Variants in INVS observed in about 807,000 individuals in gnomAD.
INVS encodes inversin.
A neutral mutation model predicts 108.8 loss-of-function variants in INVS; 86 were observed. The observed-to-expected ratio is 0.79, with a 90% CI of 0.66 to 0.95. INVS has a LOEUF of 0.95. INVS is among the 40% of genes least tolerant of loss of function. The pLI is 0.00. For missense variants in INVS, 1,169 were observed against 1,297.4 expected (o/e 0.90, Z 1.52); for synonymous variants, 455 against 473.5 (o/e 0.96, Z 0.51).
At chr9:100,100,936 TAA>T (rs1491485694) in intron 1 of INVS, among the ~76,000 whole-genome samples, 17 of 35,240 alleles carry the variant, frequency 4.8e-4, no homozygotes, top group South Asian at 2.5e-3. Context: ...ATAATATATA[TAA>T]TATATATACA....
chr9:100,227,993 T>TTC (rs1324955469), intron 4 of INVS, among the ~76,000 whole-genome samples: 35 of 142,112 alleles, frequency 2.5e-4, no homozygotes, highest in African/African-American at 5.5e-4. Context: ...CTTTCTTTCT[T>TTC]TTTTTTTTTT....
intron 3 of INVS, among the ~76,000 whole-genome samples, chr9:100,182,710 A>G (rs1703286412): frequency 6.6e-6 from 1 of 152,186 alleles, no homozygotes; most frequent in Non-Finnish European, 1.5e-5. Context: ...ACCTTTGTGA[A>G]GACAGTGTGG....
chr9:100,243,883 C>T (rs1028302646), intron 7 of INVS, among the ~76,000 whole-genome samples: 9 of 151,970 alleles, frequency 5.9e-5, no homozygotes, highest in East Asian at 3.9e-4. Flanking sequence ...AAGTGGCTGG[C>T]GCCTGTAGTC....
In INVS at chr9:100,246,664, G is replaced by C. The variant is rs1301755405; in HGVS notation, c.955G>C (p.Asp319His). ...LKHPSVKDDS[D>H]LEGRTSFMWA... ...ACATCCTTCAGTGAAAGATGATTCA[G>C]ACCTGGAAGGAAGAACATCCTTTAT... is the stretch of plus-strand genomic sequence containing the variant. Residue 319 changes from aspartate to histidine, a missense_variant, in exon 8 of 17, where the codon GAC becomes CAC. Around this residue, in one of 3 missense-constraint regions of INVS, gnomAD observed 365 missense variants for 397.5 expected, o/e 0.92. Coordinates refer to ENST00000262457, the MANE Select transcript of INVS (RefSeq NM_014425.5). 1.2e-6 allele frequency: 2 copies of C among 1,613,896 alleles called. No individual in the cohort carries two copies. The highest frequency in any genetic ancestry group is 2.2e-5 in the East Asian group (1 of 44,858).
intron 3 of INVS, among the ~76,000 whole-genome samples, chr9:100,160,050 C>T (rs191983757): frequency 6.8e-4 from 103 of 152,290 alleles, no homozygotes; most frequent in Non-Finnish European, 1.5e-3. Flanking sequence ...AGAGCAGCAT[C>T]AGGCTTTGCT....
At chr9:100,129,647 G>T in intron 3 of INVS, 1 of 658,946 alleles carries the variant, frequency 1.5e-6, no homozygotes, top group South Asian at 1.8e-5. Context: ...TGTAAAAACT[G>T]AATAAAATAC....
chr9:100,109,798 T>C (rs1827285929), intron 2 of INVS, among the ~76,000 whole-genome samples: 1 of 152,218 alleles, frequency 6.6e-6, no homozygotes, highest in South Asian at 2.1e-4. Flanking sequence ...CCCAAGTAAC[T>C]GGGATTACAG....
chr9:100,274,070 T>C (rs1020535362), intron 12 of INVS, among the ~76,000 whole-genome samples: 4 of 152,062 alleles, frequency 2.6e-5, no homozygotes, highest in African/African-American at 9.7e-5. Context: ...AAATGATTGA[T>C]TTTAAAGCTG....
chr9:100,209,257 A>C (rs1431431471), intron 3 of INVS, among the ~76,000 whole-genome samples: 2 of 152,240 alleles, frequency 1.3e-5, no homozygotes, highest in African/African-American at 4.8e-5. Context: ...TAGAATAAAA[A>C]ACATTTAGTT....
chr9:100,099,710 G>GT (rs1411606847), intron 1 of INVS, among the ~76,000 whole-genome samples: 1 of 152,202 alleles, frequency 6.6e-6, no homozygotes, highest in Non-Finnish European at 1.5e-5. Context: ...GGAAAACTGT[G>GT]TGAGTGATTG....
In INVS at chr9:100,100,725, C is replaced by CATATATAATATATATATTATATATACAT. The variant is rs371557613; in HGVS notation, c.-25+1314_-25+1315insTAATATATATATTATATATACATATATA. ...ACATATAATATATATATTATATGTA[C>CATATATAATATATATATTATATATACAT]ATATAATATATATATTATATGTACA... On this transcript the variant is annotated intron_variant, in intron 1 of 16. Coordinates refer to ENST00000262457, the MANE Select transcript of INVS (RefSeq NM_014425.5). Among the ~76,000 whole-genome samples the CATATATAATATATATATTATATATACAT allele has an allele frequency of 6.7e-4, 5 of 7,454 alleles. 1 individual carries two copies. The highest frequency in any genetic ancestry group is 1.4e-3 in the African/African-American group (1 of 722). 4.9% of individuals were successfully genotyped at this position (7,454 alleles called of 152,430 possible). A position where few individuals can be genotyped will look rare whatever the true frequency, so the allele number is the denominator to read the frequency against.
chr9:100,177,990 C>A (rs946277994), intron 3 of INVS, among the ~76,000 whole-genome samples: 1 of 152,222 alleles, frequency 6.6e-6, no homozygotes, highest in Admixed American at 6.5e-5. Context: ...CAAACAGGGT[C>A]TGGAGTGGAC....
chr9:100,195,493 A>ATT lies in INVS; in HGVS notation c.274-30559_274-30558dup, dbSNP rs71370984. Among the ~76,000 whole-genome samples, 420 of 149,134 alleles carry ATT rather than the reference A, an allele frequency of 2.8e-3. 2 individuals carry two copies. The highest frequency in any genetic ancestry group is 4.7e-3 in the African/African-American group (192 of 40,666). Reference sequence around the variant, plus strand: ...CCCACCACACGCAACACATCAATTGATTTTTTTTTTTGAGACGGGAGTCTC... The same window carrying ATT: ...CCCACCACACGCAACACATCAATTGATTTTTTTTTTTTTGAGACGGGAGTCTC... On this transcript the variant is annotated intron_variant, in intron 3 of 16. Coordinates refer to ENST00000262457, the MANE Select transcript of INVS (RefSeq NM_014425.5).
intron 14 of INVS, among the ~76,000 whole-genome samples, chr9:100,294,838 C>A (rs970043793): frequency 6.6e-6 from 1 of 152,198 alleles, no homozygotes; most frequent in Non-Finnish European, 1.5e-5. Flanking sequence ...TTATTGGACA[C>A]TTGTGCCACT....
intron 12 of INVS, among the ~76,000 whole-genome samples, chr9:100,283,062 C>A (rs868118460): frequency 6.6e-6 from 1 of 152,176 alleles, no homozygotes; most frequent in Non-Finnish European, 1.5e-5. Context: ...TAATCCCAAC[C>A]CTTTGGGAGG....
intron 10 of INVS, among the ~76,000 whole-genome samples, chr9:100,257,365 T>G (rs563909262): frequency 6.6e-6 from 1 of 152,366 alleles, no homozygotes; most frequent in South Asian, 2.1e-4. Context: ...GTATCCAATT[T>G]GCCAGTCTGT....
intron 7 of INVS, among the ~76,000 whole-genome samples, chr9:100,243,951 C>T (rs908719080): frequency 5.9e-5 from 9 of 152,174 alleles, no homozygotes; most frequent in Non-Finnish European, 1.2e-4. Context: ...GCGGAGGTTG[C>T]AATGAGCCAG....
At chr9:100,136,654 A>G (rs1393769493) in intron 3 of INVS, among the ~76,000 whole-genome samples, 4 of 152,172 alleles carry the variant, frequency 2.6e-5, no homozygotes, top group African/African-American at 9.7e-5. Flanking sequence ...ATATTTGAAC[A>G]CGTTTAAATG....
intron 3 of INVS, among the ~76,000 whole-genome samples, chr9:100,218,778 G>T (rs1159152566): frequency 6.6e-6 from 1 of 152,180 alleles, no homozygotes; most frequent in African/African-American, 2.4e-5. Flanking sequence ...CTAGAGAAAT[G>T]GCAGAAGCAG....
Sources: allele counts gnomAD v4.1 joint callset (sites outside exome capture counted in the v4.1 genomes callset), GRCh38; gene constraint gnomAD v4.1.1; regional missense constraint gnomAD v4.1.1; transcripts MANE v1.5; gene names NCBI Gene and HGNC (gene_info 2026-07-23, HGNC 2026-07-21).